The following MYO1E variants were observed in gnomAD, a reference collection of about 807,000 sequenced individuals.
The protein encoded by MYO1E is myosin IE.
Under a neutral mutation model 151.1 loss-of-function variants are expected in MYO1E, and 68 were observed. That is an observed-to-expected ratio of 0.45 (90% CI 0.37 to 0.55). The LOEUF is 0.55. Among genes scored for constraint, MYO1E ranks in the 20% least tolerant of loss-of-function variants. MYO1E has a pLI of 0.00. For synonymous variants in MYO1E, 601 were observed against 501.7 expected (o/e 1.20, Z -2.64); for missense variants, 1,363 against 1,389.3 (o/e 0.98, Z 0.30).
intron 17 of MYO1E, among the ~76,000 whole-genome samples, chr15:59,193,906 G>C (rs2079749677): frequency 6.6e-6 from 1 of 152,186 alleles, no homozygotes; most frequent in East Asian, 1.9e-4. Flanking sequence ...GTCAGGGGTG[G>C]TGGCTCACAC....
rs746531140 is a variant in MYO1E, at chr15:59,261,410, C to G, written c.237+10G>C. 9.4e-6 allele frequency: 15 copies of G among 1,587,656 alleles called. No individual in the cohort carries two copies. Among genetic ancestry groups the G allele is most frequent in the Admixed American group, 1.7e-5 (1 of 59,948 alleles). On this transcript the variant is annotated intron_variant, in intron 3 of 27. Transcript: ENST00000288235. ...AAATAAGGCAGTAATTTATGTGACA[C>G]GTAACTTACCGCTCCTTGGTACATT...
chr15:59,297,791 G>A (rs1158737121), intron 1 of MYO1E, among the ~76,000 whole-genome samples: 2 of 151,896 alleles, frequency 1.3e-5, no homozygotes, highest in Admixed American at 6.6e-5. Context: ...TATGTTGCCC[G>A]GGTTGGTCTT....
intron 1 of MYO1E, among the ~76,000 whole-genome samples, chr15:59,306,056 A>G (rs1328958415): frequency 6.6e-6 from 1 of 152,208 alleles, no homozygotes; most frequent in African/African-American, 2.4e-5. Context: ...CTCCCTCGTA[A>G]TTACAGCTGC....
At chr15:59,215,787 G>T (rs1466469470) in intron 10 of MYO1E, among the ~76,000 whole-genome samples, 2 of 152,114 alleles carry the variant, frequency 1.3e-5, no homozygotes, top group Non-Finnish European at 2.9e-5. Context: ...AAAACTGACA[G>T]GTGACAGGTA....
chr15:59,173,905 G>C lies in MYO1E; in HGVS notation c.2175C>G (p.Leu725=), dbSNP rs1332188106. Residue 725 remains leucine, a synonymous_variant, in exon 21 of 28, where the codon CTC becomes CTG. Coordinates refer to ENST00000288235, the MANE Select transcript of MYO1E (RefSeq NM_004998.4). ...TCCTTCTCTCCTTCTTGTTCAATAA[G>C]AGGTCTGAGGCTACAATTCCCAAGA... ...YVQMREEASD[L]LLNKKERRRN... 3.1e-6 allele frequency: 5 copies of C among 1,613,956 alleles called. No individual in the cohort carries two copies. The highest frequency in any genetic ancestry group is 3.4e-6 in the Non-Finnish European group (4 of 1,179,998).
intron 16 of MYO1E, among the ~76,000 whole-genome samples, chr15:59,199,236 A>G (rs2079786278): frequency 6.6e-6 from 1 of 152,088 alleles, no homozygotes; most frequent in Non-Finnish European, 1.5e-5. Flanking sequence ...AGCTGGCATT[A>G]CAGGCTCCTG....
chr15:59,325,799 A>G (rs927011740), intron 1 of MYO1E, among the ~76,000 whole-genome samples: 5 of 152,132 alleles, frequency 3.3e-5, no homozygotes, highest in African/African-American at 1.2e-4. Flanking sequence ...GTAGTGCTCA[A>G]TGTCAGCCCA....
chr15:59,198,833 A>AC (rs1456887597), intron 16 of MYO1E, among the ~76,000 whole-genome samples: 23 of 149,372 alleles, frequency 1.5e-4, no homozygotes, highest in East Asian at 9.9e-4. Flanking sequence ...AAAAAAACAA[A>AC]AAAAAAACAA....
intron 26 of MYO1E, among the ~76,000 whole-genome samples, chr15:59,144,198 ACT>A (rs1424728394): frequency 6.6e-6 from 1 of 151,372 alleles, no homozygotes; most frequent in African/African-American, 2.4e-5. Context: ...ACTGAGTCTC[ACT>A]CTATGACGCA....
chr15:59,140,019 GT>G (rs1212429081), intron 26 of MYO1E, among the ~76,000 whole-genome samples: 3 of 152,090 alleles, frequency 2.0e-5, no homozygotes, highest in African/African-American at 7.2e-5. Flanking sequence ...ATCCAGAGCA[GT>G]TTCTCAACAT....
At chr15:59,230,349 T>C (rs1180965784) in intron 6 of MYO1E, among the ~76,000 whole-genome samples, 2 of 152,102 alleles carry the variant, frequency 1.3e-5, no homozygotes, top group East Asian at 3.8e-4. Context: ...TGAGTGTTTT[T>C]GTTATTTACA....
At chr15:59,275,514 T>C (rs2080313248) in intron 1 of MYO1E, among the ~76,000 whole-genome samples, 3 of 152,132 alleles carry the variant, frequency 2.0e-5, no homozygotes, top group South Asian at 4.1e-4. Context: ...CCCCATACTA[T>C]GTATTACTAT....
chr15:59,295,785 G>A (rs2080444979), intron 1 of MYO1E, among the ~76,000 whole-genome samples: 1 of 152,120 alleles, frequency 6.6e-6, no homozygotes, highest in South Asian at 2.1e-4. Flanking sequence ...CCAAAGGAGT[G>A]GAAGAGACGG....
intron 1 of MYO1E, among the ~76,000 whole-genome samples, chr15:59,359,205 C>T (rs1454984899): frequency 2.0e-5 from 3 of 151,232 alleles, no homozygotes; most frequent in Admixed American, 6.6e-5. Flanking sequence ...GCAGGAGAAT[C>T]GCTGGAGACC....
At chr15:59,372,448 C>T (rs11854570) in intron 1 of MYO1E, 50 bp downstream of exon 1, 2 of 1,536,392 alleles carry the variant, frequency 1.3e-6, no homozygotes, top group East Asian at 2.5e-5. Flanking sequence ...CCGGGGTTTC[C>T]TGCCCCGTCC....
At chr15:59,310,571 G>T (rs1332309116) in intron 1 of MYO1E, among the ~76,000 whole-genome samples, 1 of 152,162 alleles carries the variant, frequency 6.6e-6, no homozygotes, top group African/African-American at 2.4e-5. Context: ...GCAAAAGCAT[G>T]GAACAGAATC....
chr15:59,223,106 A>G lies in MYO1E; in HGVS notation c.863T>C (p.Ile288Thr). ...GTAGTTGCCAACTTCTTTGAAGCTG[A>G]TGTTTCCCAGGTGGAGAATACCCGC... is the stretch of plus-strand genomic sequence containing the variant. ...IVAGILHLGN[I>T]SFKEVGNYAA... Residue 288 changes from isoleucine (I) to threonine (T), a missense_variant, in exon 9 of 28, where the codon ATC (isoleucine) becomes ACC (threonine). Physicochemically the swap from Ile to Thr is moderately conservative, Grantham distance 89. Transcript: ENST00000288235. The G allele has an allele frequency of 6.2e-7, 1 of 1,613,624 alleles. No homozygotes were observed. The highest frequency in any genetic ancestry group is 8.5e-7 in the Non-Finnish European group (1 of 1,179,956).
rs2306791 is a variant in MYO1E at position 59,161,185 on chromosome 15, T to C, written c.2673A>G (p.Ala891=). The change falls in exon 24 of 28, where the codon GCA becomes GCG. Residue 891 remains alanine, a synonymous_variant. Coordinates refer to ENST00000288235, the MANE Select transcript of MYO1E (RefSeq NM_004998.4). ...GGAACTGCACTTGCCGGGAGCCCCCTGCACTCCAGGGGCCCCAGTTTTCCT... is the reference window on the plus strand; with the variant it reads ...GGAACTGCACTTGCCGGGAGCCCCCCGCACTCCAGGGGCCCCAGTTTTCCT... ...LKKENWGPWS[A]GGSRQVQFHQ... 286,262 of 1,613,678 alleles carry C rather than the reference T, an allele frequency of 0.18. 30,228 individuals carry two copies. The highest frequency in any genetic ancestry group is 0.5 in the African/African-American group (37,314 of 74,910).
rs764351048 is a variant in MYO1E at position 59,161,247 on chromosome 15, G to A, written c.2628-17C>T. On this transcript the variant is annotated splice_polypyrimidine_tract_variant and intron_variant, in intron 23 of 27. Coordinates refer to ENST00000288235, the MANE Select transcript of MYO1E (RefSeq NM_004998.4). ...AGTTCAAGCCTGCAAAAAGCACAGT[G>A]GGGTTAACAGGTCGAAGGACGCAGT... 5.0e-5 allele frequency: 80 copies of A among 1,612,654 alleles called. 1 individual carries two copies. The highest frequency in any genetic ancestry group is 3.3e-4 in the Middle Eastern group (2 of 6,070).
Sources: allele counts gnomAD v4.1 joint callset (sites outside exome capture counted in the v4.1 genomes callset), GRCh38; gene constraint gnomAD v4.1.1; transcripts MANE v1.5; gene names NCBI Gene and HGNC (gene_info 2026-07-23, HGNC 2026-07-21).